The following ZNF74 variants were observed in gnomAD, a reference collection of about 807,000 sequenced individuals.
ZNF74 encodes the protein zinc finger protein 74, also known as zinc finger protein 520.
Under a neutral mutation model 17.7 loss-of-function variants are expected in ZNF74, and 12 were observed. The ratio of observed to expected loss-of-function variants is 0.68; its 90% CI spans 0.43 to 1.10. The LOEUF (loss-of-function observed/expected upper bound fraction) is 1.10. Ranked by LOEUF, ZNF74 falls within the 50% of genes least tolerant of loss-of-function variation. The pLI is 0.00. For synonymous variants in ZNF74, 358 were observed against 362.1 expected, an observed-to-expected ratio of 0.99 and a Z score of 0.13; for missense variants, 811 against 881.0, an observed-to-expected ratio of 0.92 and a Z score of 1.01.
chr22:20,405,260 C>G, intron 4 of ZNF74, 117 bp from the exon 5 acceptor site: 1 of 1,129,938 alleles, frequency 8.9e-7, no homozygotes, highest in Non-Finnish European at 1.3e-6. Flanking sequence ...CAGCCTTGGC[C>G]CTGGTGGCCT....
intron 4 of ZNF74, among the ~76,000 whole-genome samples, chr22:20,403,407 T>C (rs2052380422): frequency 6.6e-6 from 1 of 151,734 alleles, no homozygotes; most frequent in Non-Finnish European, 1.5e-5. Context: ...CCATTTCCTC[T>C]CTTGCCACCT....
chr22:20,394,408 G>C lies in ZNF74; in HGVS notation c.-221G>C. The stretch of plus-strand genomic sequence containing the variant: ...CCGAGCATGGGGCTGAGCCTGGTGT[G>C]GGGAGTGGGTATCTGCGGAGCCGGC... On this transcript the variant is annotated 5_prime_UTR_variant, in exon 1 of 5. Transcript: ENST00000400451. 1.6e-6 allele frequency: 1 copy of C among 644,738 alleles called. No homozygotes were observed. The highest frequency in any genetic ancestry group is 2.8e-6 in the Non-Finnish European group (1 of 353,926). The allele number at this position is 644,738 out of a possible 1,614,324, so 39.9% of individuals were successfully genotyped here.
At position 20,394,550 on chromosome 22, in the gene ZNF74, ACT is replaced by A; in HGVS notation, c.-77_-76del. ...CAGGCCCCTCAGCCCCAGGAGCAGT[ACT>A]CGCTCTTCAGGGCCTGCCCTGGATC... is the stretch of plus-strand genomic sequence containing the variant. On this transcript the variant is annotated 5_prime_UTR_variant, in exon 1 of 5. Coordinates refer to ENST00000400451, the MANE Select transcript of ZNF74 (RefSeq NM_003426.4). 6.7e-7 allele frequency: 1 copy of A among 1,496,420 alleles called. No individual in the cohort carries two copies. Among genetic ancestry groups the A allele is most frequent in the Non-Finnish European group, 9.3e-7 (1 of 1,074,486 alleles). The allele number at this position is 1,496,420 out of a possible 1,614,324, so 92.7% of individuals were successfully genotyped here.
At chr22:20,394,964 T>G (rs962728436) in intron 1 of ZNF74, 2 of 463,160 alleles carry the variant, frequency 4.3e-6, no homozygotes, top group African/African-American at 4.0e-5. Flanking sequence ...TTTTGCCATG[T>G]TTCCCAGGCT....
chr22:20,406,442 A>G lies in ZNF74; in HGVS notation c.1409A>G (p.Lys470Arg). 6.2e-7 allele frequency: 1 copy of G among 1,613,984 alleles called. No individual in the cohort carries two copies. Among genetic ancestry groups the G allele is most frequent in the Non-Finnish European group, 8.5e-7 (1 of 1,179,976 alleles). Reference sequence around the variant, plus strand: ...CACCGGCGCATCCACAGCGGCGAGAAGCCCTTCAAGTGCAACGAGTGCGGC... The same window carrying G: ...CACCGGCGCATCCACAGCGGCGAGAGGCCCTTCAAGTGCAACGAGTGCGGC... The part of the protein sequence containing the change: ...LVHRRIHSGE[K>R]PFKCNECGKA... The change falls in exon 5 of 5, where the codon AAG becomes AGG. Residue 470 changes from lysine (K) to arginine (R), a missense_variant. Lys to Arg is a conservative substitution (Grantham distance 26). This residue lies in a region of ZNF74 where 666 missense variants were observed against 702.3 expected (regional missense o/e 0.95). Transcript: ENST00000400451.
chr22:20,405,756 G>A lies in ZNF74; in HGVS notation c.723G>A (p.Ala241=), dbSNP rs772848386. ...CCCAGGTGCGCCGGCAGCGCGGGGC[G>A]GGCGCCGGGGAGGGCGAGTTCGTGT... ...KFPQVRRQRG[A]GAGEGEFVCG... Residue 241 remains alanine (A), a synonymous_variant, in exon 5 of 5, where the codon GCG becomes GCA. Coordinates refer to ENST00000400451, the MANE Select transcript of ZNF74 (RefSeq NM_003426.4). 3.1e-6 allele frequency: 5 copies of A among 1,605,236 alleles called. No homozygotes were observed. The highest frequency in any genetic ancestry group is 1.7e-5 in the Admixed American group (1 of 58,716).
At chr22:20,400,464 CT>C in intron 2 of ZNF74, 167 bp from the exon 3 acceptor site, 1 of 725,250 alleles carries the variant, frequency 1.4e-6, no homozygotes, top group East Asian at 2.7e-5. Context: ...CTCCCTGCCC[CT>C]GGTCCCCGAA....
intron 4 of ZNF74, among the ~76,000 whole-genome samples, chr22:20,402,048 G>C (rs1281277098): frequency 6.6e-6 from 1 of 152,218 alleles, no homozygotes; most frequent in African/African-American, 2.4e-5. Context: ...CTTCTCTTCT[G>C]AGTTGGTTGA....
At chr22:20,394,748 A>C in intron 1 of ZNF74, 86 bp downstream of exon 1, 1 of 1,338,920 alleles carries the variant, frequency 7.5e-7, no homozygotes, top group Non-Finnish European at 1.0e-6. Context: ...AGTTTCCCAG[A>C]AGCATCCAGC....
rs2052282840 is a variant in ZNF74 at position 20,395,506 on chromosome 22, C to T, written c.120+88C>T. The T allele has an allele frequency of 3.9e-6, 4 of 1,016,484 alleles. No individual in the cohort carries two copies. The South Asian group carries it at 4.6e-5, about 12-fold the overall frequency. The allele number at this position is 1,016,484 out of a possible 1,614,324, so 63.0% of individuals were successfully genotyped here. On this transcript the variant is annotated intron_variant, in intron 2 of 4. Coordinates refer to ENST00000400451, the MANE Select transcript of ZNF74 (RefSeq NM_003426.4). ...GGATCGTCAGCCTTCCACAGACCTT[C>T]ACCCGGGTACCTGCTGGCCAGTCCT... is the stretch of plus-strand genomic sequence containing the variant.
Position 20,400,624 on chromosome 22 carries a change from C to A in ZNF74, c.121-8C>A. 6.2e-7 allele frequency: 1 copy of A among 1,614,102 alleles called. No homozygotes were observed. Among genetic ancestry groups the A allele is most frequent in the Non-Finnish European group, 8.5e-7 (1 of 1,180,002 alleles). On this transcript the variant is annotated splice_polypyrimidine_tract_variant and splice_region_variant and intron_variant, in intron 2 of 4. Coordinates refer to ENST00000400451, the MANE Select transcript of ZNF74 (RefSeq NM_003426.4). ...CAGTCCTGGGTGAGAACCTATATGT[C>A]ATTTCAGGAATCGGTGAGTTTCAAG...
rs759015134 is a variant in ZNF74, at chr22:20,405,828, G to T, written c.795G>T (p.Leu265=). The change falls in exon 5 of 5, where the codon CTG becomes CTT. Residue 265 remains leucine (L), a synonymous_variant. Coordinates refer to ENST00000400451, the MANE Select transcript of ZNF74 (RefSeq NM_003426.4). The stretch of plus-strand genomic sequence containing the variant: ...TCCGCCAGAGCTCCTCCCTCACGCT[G>T]CACCGGCGCTGGCACAGCCGGGAGA... ...KAFRQSSSLT[L]HRRWHSREKA... 1.7e-5 allele frequency: 27 copies of T among 1,613,218 alleles called. No individual in the cohort carries two copies. The highest frequency in any genetic ancestry group is 2.1e-5 in the Non-Finnish European group (25 of 1,179,890).
intron 4 of ZNF74, among the ~76,000 whole-genome samples, chr22:20,402,009 C>T (rs73382250): frequency 0.13 from 20,267 of 152,244 alleles, 2,071 homozygotes; most frequent in African/African-American, 0.29. Flanking sequence ...AGGTAGTCTG[C>T]TTTTCTTCTC....
rs753056081 is a variant in ZNF74 at position 20,405,726 on chromosome 22, G to T, written c.693G>T (p.Lys231Asn). The T allele has an allele frequency of 3.1e-6, 5 of 1,603,156 alleles. No individual in the cohort carries two copies. The highest frequency in any genetic ancestry group is 4.3e-6 in the Non-Finnish European group (5 of 1,175,264). The change falls in exon 5 of 5, where the codon AAG becomes AAT. Residue 231 changes from lysine (K) to asparagine (N), a missense_variant. By Grantham distance (94) the Lys-to-Asn change is moderately conservative. Transcript: ENST00000400451. ...CCTCCACGCCAAGTGAGCCAGAAAA[G>T]TTCCCCCAGGTGCGCCGGCAGCGCG... The part of the protein sequence containing the change: ...ENASTPSEPE[K>N]FPQVRRQRGA...
Position 20,406,646 on chromosome 22 carries a change from G to A in ZNF74, c.1613G>A (p.Ser538Asn). Residue 538 changes from serine to asparagine, a missense_variant, in exon 5 of 5, where the codon AGC becomes AAC. Ser to Asn is a conservative substitution (Grantham distance 46). This residue lies in a region of ZNF74 where 30 missense variants were observed against 59.2 expected (regional missense o/e 0.51). Transcript: ENST00000400451. The part of the protein sequence containing the change: ...YKCSECGRAF[S>N]QNHCLIKHQK... Reference sequence around the variant, plus strand: ...TGCAGCGAGTGCGGCAGAGCCTTCAGCCAGAACCACTGTCTCATTAAACAT... The same window carrying A: ...TGCAGCGAGTGCGGCAGAGCCTTCAACCAGAACCACTGTCTCATTAAACAT... 6.2e-7 allele frequency: 1 copy of A among 1,614,238 alleles called. No individual in the cohort carries two copies. Among genetic ancestry groups the A allele is most frequent in the Non-Finnish European group, 8.5e-7 (1 of 1,180,046 alleles).
rs1569096084 is a variant in ZNF74, at chr22:20,405,793, G to T, written c.760G>T (p.Gly254Trp). The T allele has an allele frequency of 6.2e-7, 1 of 1,611,830 alleles. No individual in the cohort carries two copies. The highest frequency in any genetic ancestry group is 1.1e-5 in the South Asian group (1 of 91,016). Residue 254 changes from glycine (G) to tryptophan (W), a missense_variant, in exon 5 of 5, where the codon GGG (glycine) becomes TGG (tryptophan). This residue lies in a region of ZNF74 where 666 missense variants were observed against 702.3 expected (regional missense o/e 0.95). Coordinates refer to ENST00000400451, the MANE Select transcript of ZNF74 (RefSeq NM_003426.4). ...GGGCGAGTTCGTGTGCGGCGAGTGCGGGAAGGCGTTCCGCCAGAGCTCCTC... is the reference window on the plus strand; with the variant it reads ...GGGCGAGTTCGTGTGCGGCGAGTGCTGGAAGGCGTTCCGCCAGAGCTCCTC... ...GEGEFVCGEC[G>W]KAFRQSSSLT...
At position 20,407,329 on chromosome 22, in the gene ZNF74, AG is replaced by A; in HGVS notation, c.*365del. 1 of 229,866 alleles carries A rather than the reference AG, an allele frequency of 4.4e-6. No homozygotes were observed. The highest frequency in any genetic ancestry group is 7.2e-5 in the South Asian group (1 of 13,948). 14.2% of individuals were successfully genotyped at this position (229,866 alleles called of 1,614,324 possible). ...CTTAACACTGTGGGAGGCCAAGGCA[AG>A]GGGATCACTTGAGCCCAGGAGTCTA... On this transcript the variant is annotated 3_prime_UTR_variant, in exon 5 of 5. Coordinates refer to ENST00000400451, the MANE Select transcript of ZNF74 (RefSeq NM_003426.4).
At chr22:20,398,034 C>G (rs1325575282) in intron 2 of ZNF74, among the ~76,000 whole-genome samples, 1 of 152,162 alleles carries the variant, frequency 6.6e-6, no homozygotes. Context: ...GAACCTCTCT[C>G]CAGGCCGGGT....
rs750070918 is a variant in ZNF74 at position 20,394,917 on chromosome 22, C to G, written c.34+255C>G. 2.5e-5 allele frequency: 13 copies of G among 526,850 alleles called. No homozygotes were observed. The East Asian group carries it at 4.0e-4, about 16-fold the overall frequency. 32.6% of individuals were successfully genotyped at this position (526,850 alleles called of 1,614,324 possible). ...TTGGGATTGCAGGCGCGCGCCACCA[C>G]GCCCGGCTAATGTTTGTATTTTTAG... is the stretch of plus-strand genomic sequence containing the variant. On this transcript the variant is annotated intron_variant, in intron 1 of 4. Coordinates refer to ENST00000400451, the MANE Select transcript of ZNF74 (RefSeq NM_003426.4).
Sources: allele counts gnomAD v4.1 joint callset (sites outside exome capture counted in the v4.1 genomes callset), GRCh38; gene constraint gnomAD v4.1.1; regional missense constraint gnomAD v4.1.1; transcripts MANE v1.5; gene names NCBI Gene and HGNC (gene_info 2026-07-23, HGNC 2026-07-21).